The following FRMD3 variants were observed in gnomAD, a reference collection of about 807,000 sequenced individuals.
FRMD3 encodes FERM domain-containing protein 3.
FRMD3 carries 33 observed loss-of-function variants against 70.2 expected under a neutral mutation model. The ratio of observed to expected loss-of-function variants is 0.47; its 90% CI spans 0.36 to 0.63. The LOEUF (loss-of-function observed/expected upper bound fraction) is 0.63. Ranked by LOEUF, FRMD3 falls within the 20% of genes least tolerant of loss-of-function variation. The pLI, the probability that FRMD3 is intolerant of heterozygous loss-of-function variation, is 0.00. For missense variants in FRMD3, 632 were observed against 711.4 expected (o/e 0.89, Z 1.27); for synonymous variants, 279 against 255.9 (o/e 1.09, Z -0.86).
chr9:83,475,085 T>G (rs1828362818), intron 1 of FRMD3, among the ~76,000 whole-genome samples: 1 of 152,180 alleles, frequency 6.6e-6, no homozygotes, highest in African/African-American at 2.4e-5. Flanking sequence ...CCATCATTTT[T>G]TATTTACAGT....
At chr9:83,523,078 T>G (rs528593113) in intron 1 of FRMD3, among the ~76,000 whole-genome samples, 1 of 152,336 alleles carries the variant, frequency 6.6e-6, no homozygotes, top group Non-Finnish European at 1.5e-5. Flanking sequence ...TTATTATTTG[T>G]CTTTTTGTAT....
intron 2 of FRMD3, among the ~76,000 whole-genome samples, chr9:83,373,824 C>T (rs975396913): frequency 2.0e-5 from 3 of 152,126 alleles, no homozygotes; most frequent in African/African-American, 7.2e-5. Context: ...GGAGGCATCC[C>T]ACCTGCTTGA....
At chr9:83,502,356 G>A (rs1829088091) in intron 1 of FRMD3, among the ~76,000 whole-genome samples, 1 of 152,206 alleles carries the variant, frequency 6.6e-6, no homozygotes, top group South Asian at 2.1e-4. Flanking sequence ...CGTGCCAGGT[G>A]CCTGCTAAAG....
At chr9:83,470,166 C>A (rs1439946009) in intron 1 of FRMD3, among the ~76,000 whole-genome samples, 1 of 152,172 alleles carries the variant, frequency 6.6e-6, no homozygotes, top group Non-Finnish European at 1.5e-5. Context: ...AGCACCACAG[C>A]CCCAGATTCC....
the FRMD3 span, among the ~76,000 whole-genome samples, chr9:83,571,410 C>A: frequency 5.3e-5 from 8 of 152,174 alleles, no homozygotes; most frequent in Non-Finnish European, 4.4e-5. Context: ...ACAAAACAGA[C>A]TAAGATAGAC....
chr9:83,498,448 T>A (rs1347788204), intron 1 of FRMD3, among the ~76,000 whole-genome samples: 1 of 152,216 alleles, frequency 6.6e-6, no homozygotes, highest in Non-Finnish European at 1.5e-5. Context: ...CCATAAAATC[T>A]CTATCATTCT....
chr9:83,342,080 C>G (rs1286215719), intron 5 of FRMD3, among the ~76,000 whole-genome samples: 2 of 92,396 alleles, frequency 2.2e-5, no homozygotes, highest in African/African-American at 9.6e-5. Flanking sequence ...TCTCTTTCCC[C>G]CAGCCTGCCT....
In FRMD3 at chr9:83,537,591, C is replaced by T. The variant is rs1300675134; in HGVS notation, c.147+494G>A. ...GAGGGTGAGGGGGACCGACACGGAG[C>T]GGAAAGCAGGTTCCGGGACTGAGGG... On this transcript the variant is annotated intron_variant, in intron 1 of 13. Coordinates refer to ENST00000304195, the MANE Select transcript of FRMD3 (RefSeq NM_174938.6). The surrounding 1 kb of genome is among the most constrained non-coding windows in gnomAD (Gnocchi z 4.1). Among the ~76,000 whole-genome samples, 1 of 152,286 alleles carries T rather than the reference C, an allele frequency of 6.6e-6. No homozygotes were observed. Among genetic ancestry groups the T allele is most frequent in the African/African-American group, 2.4e-5 (1 of 41,568 alleles).
chr9:83,291,800 G>C (rs1275540281), intron 12 of FRMD3, among the ~76,000 whole-genome samples: 1 of 152,126 alleles, frequency 6.6e-6, no homozygotes, highest in African/African-American at 2.4e-5. Context: ...TGCAATCCTG[G>C]CTTGACATAT....
chr9:83,257,591 T>C (rs1326458103), intron 13 of FRMD3, among the ~76,000 whole-genome samples: 1 of 152,184 alleles, frequency 6.6e-6, no homozygotes. Context: ...TAAAATGTCT[T>C]CTTTTTATAT....
chr9:83,251,612 G>A (rs1249065499), intron 13 of FRMD3, among the ~76,000 whole-genome samples: 2 of 152,178 alleles, frequency 1.3e-5, no homozygotes, highest in African/African-American at 4.8e-5. Context: ...AAGAAGGTAA[G>A]ACTCACAATG....
intron 1 of FRMD3, among the ~76,000 whole-genome samples, chr9:83,446,646 CAAA>C (rs780150860): frequency 0.22 from 18,345 of 82,758 alleles, 1,182 homozygotes; most frequent in East Asian, 0.38. Flanking sequence ...GACTCGGTCT[CAAA>C]AAAAAAAAAA....
chr9:83,269,314 A>G (rs535998678), intron 13 of FRMD3, among the ~76,000 whole-genome samples: 1 of 152,342 alleles, frequency 6.6e-6, no homozygotes, highest in Admixed American at 6.5e-5. Context: ...AAGAGAAAAC[A>G]AGTAAAAAAC....
At position 83,497,419 on chromosome 9, in the gene FRMD3, A is replaced by G. The variant is rs1828966520; in HGVS notation, c.147+40666T>C. Among the ~76,000 whole-genome samples the G allele has an allele frequency of 2.6e-5, 4 of 152,360 alleles. No homozygotes were observed. The South Asian group carries it at 8.3e-4, about 32-fold the overall frequency. ...AAAGTAAGACTAAAAGCTAGAAATA[A>G]AATATTTTGCAAAGCCTCCCAAATT... On this transcript the variant is annotated intron_variant, in intron 1 of 13. Transcript: ENST00000304195.
chr9:83,558,855 C>T, the FRMD3 span, among the ~76,000 whole-genome samples: 1 of 152,206 alleles, frequency 6.6e-6, no homozygotes, highest in Non-Finnish European at 1.5e-5. Flanking sequence ...GAGGAAGTAA[C>T]TGCATGTGTG....
At chr9:83,551,512 C>T in the FRMD3 span, among the ~76,000 whole-genome samples, 2 of 152,120 alleles carry the variant, frequency 1.3e-5, no homozygotes, top group Non-Finnish European at 1.5e-5. Flanking sequence ...GGAGAAGTCC[C>T]TCCTCCTCAA....
chr9:83,433,332 G>A (rs536552767), intron 1 of FRMD3, among the ~76,000 whole-genome samples: 6 of 152,278 alleles, frequency 3.9e-5, no homozygotes, highest in South Asian at 4.1e-4. Context: ...GGATCATAAC[G>A]GAAGCAGGAG....
intron 1 of FRMD3, among the ~76,000 whole-genome samples, chr9:83,422,681 A>C (rs1293705610): frequency 6.6e-6 from 1 of 152,198 alleles, no homozygotes; most frequent in African/African-American, 2.4e-5. Flanking sequence ...GCTTGGTAAA[A>C]TATGAGAGTG....
chr9:83,250,404 G>C (rs1832347948), intron 13 of FRMD3, among the ~76,000 whole-genome samples: 1 of 152,174 alleles, frequency 6.6e-6, no homozygotes, highest in Non-Finnish European at 1.5e-5. Flanking sequence ...AGACCCAGGA[G>C]TTTTACATAC....
Sources: allele counts gnomAD v4.1 joint callset (sites outside exome capture counted in the v4.1 genomes callset), GRCh38; gene constraint gnomAD v4.1.1; non-coding constraint Gnocchi (gnomAD v3.1); transcripts MANE v1.5; gene names NCBI Gene and HGNC (gene_info 2026-07-23, HGNC 2026-07-21).